Variants in SYNDIG1 observed in about 807,000 individuals in gnomAD.
SYNDIG1 encodes the protein synapse differentiation inducing 1.
SYNDIG1 carries 9 observed loss-of-function variants against 19.4 expected under a neutral mutation model. The ratio of observed to expected loss-of-function variants is 0.46; its 90% CI spans 0.28 to 0.81. The LOEUF (loss-of-function observed/expected upper bound fraction) is 0.81, where lower values mean the gene tolerates loss of function less well. Among genes scored for constraint, SYNDIG1 ranks in the 30% least tolerant of loss-of-function variants. SYNDIG1 has a pLI of 0.12. For synonymous variants in SYNDIG1, 141 were observed against 145.9 expected, an observed-to-expected ratio of 0.97 and a Z score of 0.24; for missense variants, 311 against 343.3, an observed-to-expected ratio of 0.91 and a Z score of 0.74.
chr20:24,481,251 A>T (rs2055788853), intron 1 of SYNDIG1, among the ~76,000 whole-genome samples: 1 of 152,192 alleles, frequency 6.6e-6, no homozygotes, highest in Admixed American at 6.5e-5. Context: ...GTGTTCATGG[A>T]TCTGTGGGTC....
intron 3 of SYNDIG1, among the ~76,000 whole-genome samples, chr20:24,650,831 T>C (rs1173418921): frequency 1.3e-5 from 1 of 74,972 alleles, no homozygotes; most frequent in Non-Finnish European, 2.5e-5. Flanking sequence ...CTCTTATTTC[T>C]TGTTTCTTTC....
chr20:24,524,257 G>A (rs929408712), intron 1 of SYNDIG1, among the ~76,000 whole-genome samples: 14 of 152,092 alleles, frequency 9.2e-5, no homozygotes, highest in African/African-American at 3.4e-4. Flanking sequence ...GGCCATCTGC[G>A]GGCTCCAAAC....
chr20:24,502,488 A>T (rs1255836043), intron 1 of SYNDIG1: 2 of 152,204 alleles, frequency 1.3e-5, no homozygotes, highest in Admixed American at 1.3e-4. Flanking sequence ...TACCCCGGGC[A>T]CAGACAGGAA....
At chr20:24,650,200 G>A (rs1279970803) in intron 3 of SYNDIG1, among the ~76,000 whole-genome samples, 9 of 152,186 alleles carry the variant, frequency 5.9e-5, no homozygotes, top group South Asian at 2.1e-4. Context: ...TATCTATAAC[G>A]TGTCATCCTG....
rs372415820 is a variant in SYNDIG1, at chr20:24,547,551, C to T, written c.480+3974C>T. ...GGGAGTGCAGAGGTGCCATGCCGCTCATTATCTAGTGCCACTGCGCTCAGG... is the reference window on the plus strand; with the variant it reads ...GGGAGTGCAGAGGTGCCATGCCGCTTATTATCTAGTGCCACTGCGCTCAGG... On this transcript the variant is annotated intron_variant, in intron 2 of 3. Transcript: ENST00000376862. Among the ~76,000 whole-genome samples the T allele has an allele frequency of 3.8e-3, 573 of 152,220 alleles. 1 individual carries two copies. Among genetic ancestry groups the T allele is most frequent in the Non-Finnish European group, 6.9e-3 (466 of 68,012 alleles).
intron 1 of SYNDIG1, among the ~76,000 whole-genome samples, chr20:24,509,965 A>C (rs907174357): frequency 6.6e-6 from 1 of 151,980 alleles, no homozygotes; most frequent in African/African-American, 2.4e-5. Context: ...AGTTCTCCTG[A>C]GATCTGGTGG....
At chr20:24,488,521 G>A (rs976438015) in intron 1 of SYNDIG1, among the ~76,000 whole-genome samples, 2 of 152,238 alleles carry the variant, frequency 1.3e-5, no homozygotes, top group Non-Finnish European at 2.9e-5. Context: ...CACTTCATCT[G>A]CTTCAAGCCC....
At chr20:24,534,146 C>T (rs189642513) in intron 1 of SYNDIG1, among the ~76,000 whole-genome samples, 5 of 152,276 alleles carry the variant, frequency 3.3e-5, no homozygotes, top group Middle Eastern at 6.8e-3. Context: ...ACCTCGTTCC[C>T]GGCCCCACCT....
Position 24,499,149 on chromosome 20 carries a change from C to T in SYNDIG1, c.-79+29396C>T, listed in dbSNP as rs137923377. On this transcript the variant is annotated intron_variant, in intron 1 of 3. Coordinates refer to ENST00000376862, the MANE Select transcript of SYNDIG1 (RefSeq NM_024893.3). ...AAGTGATTCTCCTGCCTCAGCCTCC[C>T]GAGTAGCTAGGATTACAGGTGTGCA... 5.2e-3 allele frequency among the ~76,000 whole-genome samples: 791 copies of T among 152,262 alleles called. 5 individuals are homozygous for T. Among genetic ancestry groups the T allele is most frequent in the Non-Finnish European group, 8.5e-3 (575 of 68,012 alleles).
chr20:24,585,087 G>A, intron 3 of SYNDIG1, 94 bp downstream of exon 3: 2 of 1,472,472 alleles, frequency 1.4e-6, no homozygotes, highest in Non-Finnish European at 9.2e-7. Context: ...AAGCAAGGAA[G>A]CCCAAACAGC....
At chr20:24,582,405 C>G (rs2058343426) in intron 2 of SYNDIG1, among the ~76,000 whole-genome samples, 1 of 144,830 alleles carries the variant, frequency 6.9e-6, no homozygotes. Flanking sequence ...TCTGCATGTC[C>G]TCCCCGCTGC....
chr20:24,532,883 G>A (rs550096966), intron 1 of SYNDIG1, among the ~76,000 whole-genome samples: 1 of 152,266 alleles, frequency 6.6e-6, no homozygotes, highest in East Asian at 1.9e-4. Flanking sequence ...ACAACTGTTA[G>A]GATTTAGGAC....
intron 1 of SYNDIG1, among the ~76,000 whole-genome samples, chr20:24,474,182 T>C (rs2055551650): frequency 6.6e-6 from 1 of 152,262 alleles, no homozygotes; most frequent in Non-Finnish European, 1.5e-5. Context: ...ACTTACATGA[T>C]GCATTCTCTA....
intron 1 of SYNDIG1, among the ~76,000 whole-genome samples, chr20:24,512,120 T>C: frequency 2.5e-5 from 1 of 40,062 alleles, no homozygotes; most frequent in African/African-American, 5.7e-5. Flanking sequence ...TATATATATA[T>C]ATATATATAT....
At chr20:24,566,588 G>C (rs983147927) in intron 2 of SYNDIG1, among the ~76,000 whole-genome samples, 17 of 152,132 alleles carry the variant, frequency 1.1e-4, no homozygotes, top group African/African-American at 4.1e-4. Flanking sequence ...ATTACATTTG[G>C]CTGCAATCAC....
At chr20:24,588,979 C>G (rs2058463709) in intron 3 of SYNDIG1, among the ~76,000 whole-genome samples, 1 of 150,742 alleles carries the variant, frequency 6.6e-6, no homozygotes. Flanking sequence ...GGTGGGTGGG[C>G]AGATGAGGGC....
rs151117359 is a variant in SYNDIG1 at position 24,604,884 on chromosome 20, C to T, written c.618+19891C>T. Among the ~76,000 whole-genome samples the T allele has an allele frequency of 4.8e-3, 738 of 152,228 alleles. 7 individuals carry two copies. The highest frequency in any genetic ancestry group is 0.017 in the African/African-American group (692 of 41,530). ...CACTGGGATAATATTCCGTGCACCC[C>T]GCCAGATCCCACTTTTATCCTTAAG... On this transcript the variant is annotated intron_variant, in intron 3 of 3. Coordinates refer to ENST00000376862, the MANE Select transcript of SYNDIG1 (RefSeq NM_024893.3).
intron 3 of SYNDIG1, among the ~76,000 whole-genome samples, chr20:24,639,833 A>G (rs1195978558): frequency 2.6e-5 from 4 of 152,222 alleles, no homozygotes; most frequent in African/African-American, 9.6e-5. Context: ...CAATACCATG[A>G]GCATTTTCCA....
chr20:24,567,935 A>T (rs1393494716), intron 2 of SYNDIG1, among the ~76,000 whole-genome samples: 1 of 152,198 alleles, frequency 6.6e-6, no homozygotes, highest in Non-Finnish European at 1.5e-5. Context: ...GGGGTTTGAG[A>T]CCAACCTGGC....
Sources: allele counts gnomAD v4.1 joint callset (sites outside exome capture counted in the v4.1 genomes callset), GRCh38; gene constraint gnomAD v4.1.1; transcripts MANE v1.5; gene names NCBI Gene and HGNC (gene_info 2026-07-23, HGNC 2026-07-21).